Variants in JHY observed in about 807,000 individuals in gnomAD.
JHY encodes the protein jhy protein homolog.
In JHY, 69 loss-of-function variants were observed where a neutral mutation model predicts 78.0. The ratio of observed to expected loss-of-function variants is 0.88; its 90% CI spans 0.73 to 1.08. The LOEUF (loss-of-function observed/expected upper bound fraction) is 1.08. JHY is among the 50% of genes least tolerant of loss of function. JHY has a pLI of 0.00. For synonymous variants in JHY, 368 were observed against 342.6 expected, an observed-to-expected ratio of 1.07 and a Z score of -0.82; for missense variants, 944 against 927.8, an observed-to-expected ratio of 1.02 and a Z score of -0.23.
In JHY at chr11:122,955,469, T is replaced by G. The variant is rs118039609; in HGVS notation, c.1930-1027T>G. Among the ~76,000 whole-genome samples the G allele has an allele frequency of 4.7e-3, 721 of 152,274 alleles. 5 individuals are homozygous for G. The highest frequency in any genetic ancestry group is 8.2e-3 in the Non-Finnish European group (556 of 68,034). ...AGCAGTGGTTTGGGGAATATCTTAA[T>G]CTATCAGGAGACAGATAGGCAGTAG... On this transcript the variant is annotated intron_variant, in intron 6 of 8. Coordinates refer to ENST00000227349, the MANE Select transcript of JHY (RefSeq NM_024806.4).
At chr11:122,920,129 G>A (rs1466348591) in intron 3 of JHY, among the ~76,000 whole-genome samples, 1 of 152,174 alleles carries the variant, frequency 6.6e-6, no homozygotes, top group African/African-American at 2.4e-5. Flanking sequence ...GCGTGAGCAG[G>A]TGTGAATCGA....
chr11:122,886,695 A>T (rs1862504271), intron 2 of JHY, among the ~76,000 whole-genome samples: 1 of 152,134 alleles, frequency 6.6e-6, no homozygotes, highest in African/African-American at 2.4e-5. Flanking sequence ...CAATCCTTCC[A>T]CTTCAGCCTC....
chr11:122,907,445 T>C (rs937733518), intron 3 of JHY, among the ~76,000 whole-genome samples: 2 of 151,414 alleles, frequency 1.3e-5, no homozygotes, highest in Admixed American at 1.3e-4. Context: ...ACCTCCAAAC[T>C]GTCTACTCTT....
chr11:122,929,737 T>G (rs747267334), intron 4 of JHY, among the ~76,000 whole-genome samples: 6 of 152,162 alleles, frequency 3.9e-5, no homozygotes, highest in Non-Finnish European at 8.8e-5. Context: ...TGTAGATAGA[T>G]GTATATTTGT....
In JHY at chr11:122,963,191, C is replaced by T. The variant is rs1864348562; in HGVS notation, c.*3746C>T. Among the ~76,000 whole-genome samples the T allele has an allele frequency of 6.6e-6, 1 of 151,944 alleles. No homozygotes were observed. The highest frequency in any genetic ancestry group is 2.1e-4 in the South Asian group (1 of 4,824). On this transcript the variant is annotated 3_prime_UTR_variant, in exon 9 of 9. Transcript: ENST00000227349. ...TTTCCAGAACATTTCAAAAACTTCC[C>T]ATACTGTTTTTCTGTTAGCTTAAGC...
At chr11:122,924,747 C>T in intron 3 of JHY, 150 bp from the exon 4 acceptor site, 1 of 594,186 alleles carries the variant, frequency 1.7e-6, no homozygotes. Flanking sequence ...CAATCAGGTC[C>T]CTGAGGACTG....
intron 3 of JHY, among the ~76,000 whole-genome samples, chr11:122,911,820 G>C (rs530548616): frequency 7.3e-6 from 1 of 136,174 alleles, no homozygotes. Context: ...CAGGAGATAC[G>C]CTTGAACCCG....
chr11:122,895,020 A>G (rs1862710232), intron 2 of JHY, among the ~76,000 whole-genome samples: 1 of 152,228 alleles, frequency 6.6e-6, no homozygotes. Flanking sequence ...ATATTTACAG[A>G]AGTGAATTTT....
chr11:122,911,430 C>T (rs1019530474), intron 3 of JHY, among the ~76,000 whole-genome samples: 1 of 152,050 alleles, frequency 6.6e-6, no homozygotes, highest in African/African-American at 2.4e-5. Flanking sequence ...TATTGAGCAC[C>T]AAATATGTAT....
At chr11:122,931,076 G>T (rs990956923) in intron 4 of JHY, among the ~76,000 whole-genome samples, 1 of 152,190 alleles carries the variant, frequency 6.6e-6, no homozygotes, top group Admixed American at 6.5e-5. Flanking sequence ...CCAAGAAGGA[G>T]GGCTCCGTCC....
In JHY at chr11:122,956,586, A is replaced by G; in HGVS notation, c.2010+10A>G. The G allele has an allele frequency of 6.2e-7, 1 of 1,611,868 alleles. No individual in the cohort carries two copies. The highest frequency in any genetic ancestry group is 8.5e-7 in the Non-Finnish European group (1 of 1,178,306). On this transcript the variant is annotated intron_variant, in intron 7 of 8. Coordinates refer to ENST00000227349, the MANE Select transcript of JHY (RefSeq NM_024806.4). ...GTCCATCAGAGACAAAGTGAGTGAG[A>G]TGCACATACAGTGTTTCCAGACCTG...
intron 3 of JHY, among the ~76,000 whole-genome samples, chr11:122,915,842 T>C (rs991400838): frequency 6.6e-6 from 1 of 151,896 alleles, no homozygotes; most frequent in Non-Finnish European, 1.5e-5. Context: ...CAGGTGGAAG[T>C]GGGTAGTTAG....
rs1391241765 is a variant in JHY, at chr11:122,883,572, TCAGCGGCA to T, written c.-90+603_-90+610del. 6.6e-6 allele frequency among the ~76,000 whole-genome samples: 1 copy of T among 151,672 alleles called. No individual in the cohort carries two copies. Among genetic ancestry groups the T allele is most frequent in the Non-Finnish European group, 1.5e-5 (1 of 67,954 alleles). Reference sequence around the variant, plus strand: ...TAGTCACCTCTCTTGGTCAGAAATTTCAGCGGCACAACCTTTTTTTTTTTTCACTGGAC... The same window carrying T: ...TAGTCACCTCTCTTGGTCAGAAATTTCAACCTTTTTTTTTTTTCACTGGAC... On this transcript the variant is annotated intron_variant, in intron 1 of 8. Coordinates refer to ENST00000227349, the MANE Select transcript of JHY (RefSeq NM_024806.4). The surrounding 1 kb of genome is among the most constrained non-coding windows in gnomAD (Gnocchi z 4.4).
At chr11:122,885,731 G>C (rs372791783) in intron 1 of JHY, 30 bp from the exon 2 acceptor site, 13 of 718,786 alleles carry the variant, frequency 1.8e-5, no homozygotes, top group Admixed American at 5.8e-5. Context: ...TTTAGTGGTC[G>C]CAGAGTAACA....
intron 3 of JHY, 76 bp from the exon 4 acceptor site, chr11:122,924,821 T>G: frequency 4.4e-6 from 5 of 1,136,550 alleles, no homozygotes; most frequent in East Asian, 2.4e-5. Flanking sequence ...TTTTCTAGAG[T>G]GCACAGACTT....
intron 2 of JHY, among the ~76,000 whole-genome samples, chr11:122,894,664 C>T (rs550391370): frequency 1.3e-5 from 2 of 152,230 alleles, no homozygotes; most frequent in Admixed American, 6.5e-5. Flanking sequence ...AGATAATTTT[C>T]ATTTAACTCA....
intron 6 of JHY, among the ~76,000 whole-genome samples, chr11:122,955,883 C>CTGTG (rs1186357685): frequency 1.3e-5 from 2 of 152,142 alleles, no homozygotes; most frequent in Non-Finnish European, 2.9e-5. Context: ...TTTTGAAGCA[C>CTGTG]TGTGTTTATC....
In JHY at chr11:122,903,936, T is replaced by G; in HGVS notation, c.356T>G (p.Ile119Arg). 6.3e-7 allele frequency: 1 copy of G among 1,586,176 alleles called. No individual in the cohort carries two copies. The highest frequency in any genetic ancestry group is 8.6e-7 in the Non-Finnish European group (1 of 1,164,194). Residue 119 changes from isoleucine to arginine, a missense_variant, in exon 3 of 9, where the codon ATA becomes AGA. Ile to Arg is a moderately conservative substitution (Grantham distance 97, BLOSUM62 -3). Coordinates refer to ENST00000227349, the MANE Select transcript of JHY (RefSeq NM_024806.4). Reference sequence around the variant, plus strand: ...TCTGCTTTGGGCAGGCAACAACCAATAGAAGACAAATATTCAGACCTCCGC... The same window carrying G: ...TCTGCTTTGGGCAGGCAACAACCAAGAGAAGACAAATATTCAGACCTCCGC... ...DQGANNRQQP[I>R]EDKYSDLRYD...
intron 4 of JHY, among the ~76,000 whole-genome samples, chr11:122,927,697 G>A (rs1863538507): frequency 1.3e-5 from 2 of 151,666 alleles, no homozygotes; most frequent in South Asian, 4.2e-4. Flanking sequence ...CTCATTAACT[G>A]CTGCCTGTGT....
Sources: gnomAD v4.1 joint callset for allele counts (sites outside exome capture counted in the v4.1 genomes callset) on GRCh38, gnomAD v4.1.1 for gene constraint, Gnocchi (gnomAD v3.1) non-coding constraint, MANE v1.5 for transcripts, NCBI Gene and HGNC (gene_info 2026-07-23, HGNC 2026-07-21) for gene names.